Variants in SH3PXD2A observed in about 807,000 individuals in gnomAD.
SH3PXD2A encodes SH3 and PX domain-containing protein 2A.
SH3PXD2A carries 32 observed loss-of-function variants against 115.2 expected under a neutral mutation model. That is an observed-to-expected ratio of 0.28 (90% CI 0.21 to 0.37). The LOEUF (loss-of-function observed/expected upper bound fraction) is 0.37, where lower values mean the gene tolerates loss of function less well. Among genes scored for constraint, SH3PXD2A ranks in the 10% least tolerant of loss-of-function variants. The pLI, the probability that SH3PXD2A is intolerant of heterozygous loss-of-function variation, is 1.00. For synonymous variants in SH3PXD2A, 610 were observed against 629.1 expected (o/e 0.97, Z 0.45); for missense variants, 1,328 against 1,498.7 (o/e 0.89, Z 1.88).
chr10:103,701,655 ATCCACCATCCAT>A, intron 5 of SH3PXD2A, among the ~76,000 whole-genome samples: 1 of 146,512 alleles, frequency 6.8e-6, no homozygotes, highest in Middle Eastern at 3.8e-3. Context: ...CTATCCATCC[ATCCACCATCCAT>A]CCATCATCCA....
intron 4 of SH3PXD2A, among the ~76,000 whole-genome samples, chr10:103,730,820 AC>A (rs1304582419): frequency 6.6e-6 from 1 of 151,970 alleles, no homozygotes; most frequent in Admixed American, 6.6e-5. Flanking sequence ...CACAGAAGTT[AC>A]CCTCCTGCAG....
chr10:103,807,443 A>G (rs2039217917), intron 1 of SH3PXD2A, among the ~76,000 whole-genome samples: 1 of 152,214 alleles, frequency 6.6e-6, no homozygotes, highest in Non-Finnish European at 1.5e-5. Context: ...CCCAGGCCCC[A>G]GGCCAAACAG....
At chr10:103,772,989 C>A (rs910840548) in intron 2 of SH3PXD2A, among the ~76,000 whole-genome samples, 3 of 152,184 alleles carry the variant, frequency 2.0e-5, no homozygotes, top group Admixed American at 1.3e-4. Context: ...TTTGGAAGGC[C>A]AAGGCGGGGT....
rs921888735 is a variant in SH3PXD2A at position 103,603,658 on chromosome 10, G to A, written c.1560C>T (p.Pro520=). The A allele has an allele frequency of 1.2e-6, 2 of 1,605,648 alleles. No individual in the cohort carries two copies. Among genetic ancestry groups the A allele is most frequent in the African/African-American group, 1.3e-5 (1 of 74,850 alleles). Residue 520 remains proline (P), a synonymous_variant, in exon 15 of 15, where the codon CCC becomes CCT. Coordinates refer to ENST00000369774, the MANE Select transcript of SH3PXD2A (RefSeq NM_001394015.1). ...LSRRTSTLTR[P]KVPPPAPPSK... Reference sequence around the variant, plus strand: ...TGGGGGGTGCTGGCGGGGGCACCTTGGGCCGGGTCAGCGTGCTTGTGCGGC... The same window carrying A: ...TGGGGGGTGCTGGCGGGGGCACCTTAGGCCGGGTCAGCGTGCTTGTGCGGC...
intron 8 of SH3PXD2A, among the ~76,000 whole-genome samples, chr10:103,658,222 C>CA (rs1252682770): frequency 6.6e-6 from 1 of 152,212 alleles, no homozygotes; most frequent in East Asian, 1.9e-4. Context: ...CTGGGTCCCC[C>CA]TGTGGACACT....
chr10:103,842,163 C>T (rs2039607203), intron 1 of SH3PXD2A, among the ~76,000 whole-genome samples: 2 of 151,252 alleles, frequency 1.3e-5, no homozygotes, highest in South Asian at 4.2e-4. Context: ...CTCCCACCAT[C>T]ACCAACATGC....
chr10:103,758,457 A>G (rs1479719065), intron 3 of SH3PXD2A, among the ~76,000 whole-genome samples: 2 of 152,168 alleles, frequency 1.3e-5, no homozygotes, highest in Non-Finnish European at 2.9e-5. Context: ...CACTCTTGGA[A>G]ATTGCTCATC....
At chr10:103,671,463 A>G (rs1262520580) in intron 6 of SH3PXD2A, among the ~76,000 whole-genome samples, 1 of 152,240 alleles carries the variant, frequency 6.6e-6, no homozygotes, top group Non-Finnish European at 1.5e-5. Flanking sequence ...GAAGCAGACC[A>G]GAAGTAAGCC....
chr10:103,644,320 C>T (rs949098506), intron 8 of SH3PXD2A, among the ~76,000 whole-genome samples: 2 of 151,938 alleles, frequency 1.3e-5, no homozygotes, highest in Non-Finnish European at 1.5e-5. Flanking sequence ...TGGCTCACAC[C>T]TGTAATCCCA....
intron 3 of SH3PXD2A, chr10:103,754,417 C>A (rs769620205): frequency 6.6e-6 from 1 of 152,136 alleles, no homozygotes; most frequent in East Asian, 1.9e-4. Flanking sequence ...CTTACAAGAG[C>A]CTGTTTTCCA....
At chr10:103,843,080 T>C (rs1221386097) in intron 1 of SH3PXD2A, among the ~76,000 whole-genome samples, 1 of 152,218 alleles carries the variant, frequency 6.6e-6, no homozygotes, top group Non-Finnish European at 1.5e-5. Flanking sequence ...AATAGTGCCG[T>C]TTATGGAACA....
intron 14 of SH3PXD2A, among the ~76,000 whole-genome samples, chr10:103,604,744 T>C (rs2036274706): frequency 2.6e-5 from 4 of 152,180 alleles, no homozygotes; most frequent in Admixed American, 6.5e-5. Context: ...CTACATTCTG[T>C]CCTTCACCCT....
At chr10:103,662,355 G>GT (rs1179961511) in intron 7 of SH3PXD2A, among the ~76,000 whole-genome samples, 1 of 115,926 alleles carries the variant, frequency 8.6e-6, no homozygotes, top group South Asian at 3.6e-4. Flanking sequence ...GGGGGGGGCG[G>GT]GGGGGGATAA....
rs2038508457 is a variant in SH3PXD2A at position 103,746,769 on chromosome 10, C to CACAT, written c.230-10965_230-10962dup. On this transcript the variant is annotated intron_variant, in intron 3 of 14. Coordinates refer to ENST00000369774, the MANE Select transcript of SH3PXD2A (RefSeq NM_001394015.1). This position sits in a 1 kb window ranked among gnomAD's most constrained non-coding sequence, Gnocchi z 4.4. ...CCTGTCACTCTGCCCACGCCACAGACACATCCTGCTCTTCCCCACCTCAGG... is the reference window on the plus strand; with the variant it reads ...CCTGTCACTCTGCCCACGCCACAGACACATACATCCTGCTCTTCCCCACCTCAGG... The CACAT allele has an allele frequency of 6.6e-6, 1 of 152,426 alleles. No homozygotes were observed. The highest frequency in any genetic ancestry group is 2.4e-5 in the African/African-American group (1 of 41,454). 9.4% of individuals were successfully genotyped at this position (152,426 alleles called of 1,614,324 possible). A position where few individuals can be genotyped will look rare whatever the true frequency, so the allele number is the denominator to read the frequency against.
intron 1 of SH3PXD2A, among the ~76,000 whole-genome samples, chr10:103,841,697 G>A (rs77879176): frequency 0.011 from 1,620 of 152,162 alleles, 16 homozygotes; most frequent in Non-Finnish European, 0.019. Flanking sequence ...CCACCTCGGG[G>A]CCTTGGCACC....
rs35917262 is a variant in SH3PXD2A at position 103,633,727 on chromosome 10, C to CAAAAAAAA, written c.605-6533_605-6526dup. ...TAGGCGATGGAGCAAGATTCTGTCT[C>CAAAAAAAA]AAAAAAAAAAAAAAAAAAAAAAAAA... On this transcript the variant is annotated intron_variant, in intron 8 of 14. Coordinates refer to ENST00000369774, the MANE Select transcript of SH3PXD2A (RefSeq NM_001394015.1). Among the ~76,000 whole-genome samples, 101 of 74,354 alleles carry CAAAAAAAA rather than the reference C, an allele frequency of 1.4e-3. 6 individuals are homozygous for CAAAAAAAA. The highest frequency in any genetic ancestry group is 5.2e-3 in the African/African-American group (99 of 19,192). 48.8% of individuals were successfully genotyped at this position (74,354 alleles called of 152,430 possible).
chr10:103,703,696 C>G (rs1001899748), intron 5 of SH3PXD2A, among the ~76,000 whole-genome samples: 1 of 152,206 alleles, frequency 6.6e-6, no homozygotes, highest in Non-Finnish European at 1.5e-5. Flanking sequence ...CACTCAAACA[C>G]TGAATTGTGA....
chr10:103,770,495 CCAGGACACGTCAGCATTCTCAAT>C (rs1463749238), intron 2 of SH3PXD2A, among the ~76,000 whole-genome samples: 3 of 152,208 alleles, frequency 2.0e-5, no homozygotes, highest in African/African-American at 7.2e-5. Flanking sequence ...GCCACTGTGC[CCAGGACACGTCAGCATTCTCAAT>C]CAGGACACAG....
chr10:103,702,585 C>CTG (rs61568990), intron 5 of SH3PXD2A, among the ~76,000 whole-genome samples: 764 of 32,996 alleles, frequency 0.023, 4 homozygotes, highest in African/African-American at 0.07. Flanking sequence ...AGATGTAAGC[C>CTG]TGTGTGTGTG....
Sources: allele counts gnomAD v4.1 joint callset (sites outside exome capture counted in the v4.1 genomes callset), GRCh38; gene constraint gnomAD v4.1.1; non-coding constraint Gnocchi (gnomAD v3.1); transcripts MANE v1.5; gene names NCBI Gene and HGNC (gene_info 2026-07-23, HGNC 2026-07-21).